The following ZNF705G variants were observed in gnomAD, a reference collection of about 807,000 sequenced individuals.
ZNF705G encodes zinc finger protein 705G.
Under a neutral mutation model 19.6 loss-of-function variants are expected in ZNF705G, and 23 were observed. That is an observed-to-expected ratio of 1.17 (90% CI 0.84 to 1.66). The LOEUF is 1.66. Ranked by LOEUF, ZNF705G falls within the 40% of genes most tolerant of loss-of-function variation. The pLI is 0.00. For missense variants in ZNF705G, 457 were observed against 354.4 expected (o/e 1.29, Z -2.32); for synonymous variants, 146 against 117.7 (o/e 1.24, Z -1.56).
At chr8:7,363,636 C>A (rs1350428997) in intron 2 of ZNF705G, among the ~76,000 whole-genome samples, 4 of 149,444 alleles carry the variant, frequency 2.7e-5, no homozygotes, top group South Asian at 2.1e-4. Flanking sequence ...GCCTGGCCAA[C>A]ATGGTGAAAC....
Position 7,358,348 on chromosome 8 carries a change from A to G in ZNF705G, c.531T>C (p.Cys177=). 1 of 1,607,594 alleles carries G rather than the reference A, an allele frequency of 6.2e-7. No individual in the cohort carries two copies. The highest frequency in any genetic ancestry group is 8.5e-7 in the Non-Finnish European group (1 of 1,179,614). ...TKGKSYQCNL[C]EKAYTNCFHL... is the part of the protein sequence containing the mutation. ...GAAAGCAATTAGTATAGGCCTTTTC[A>G]CATAGATTACACTGATATGATTTAC... is the stretch of plus-strand genomic sequence containing the variant. Residue 177 remains cysteine (C), a synonymous_variant, in exon 7 of 7, where the codon TGT becomes TGC. Transcript: ENST00000400156.
chr8:7,379,497 C>A (rs1807394471), intron 2 of ZNF705G, among the ~76,000 whole-genome samples: 1 of 146,994 alleles, frequency 6.8e-6, no homozygotes, highest in East Asian at 1.9e-4. Context: ...CAAAGAAAGA[C>A]CAAGACAGCA....
chr8:7,356,028 C>A lies in ZNF705G; in HGVS notation c.*1948G>T, dbSNP rs1489179943. The A allele has an allele frequency of 4.0e-5, 6 of 149,462 alleles. No homozygotes were observed. Among genetic ancestry groups the A allele is most frequent in the African/African-American group, 7.7e-5 (3 of 38,868 alleles). 9.3% of individuals were successfully genotyped at this position (149,462 alleles called of 1,614,324 possible). ...TCGTATTAAGATTGTGCCTGTTTGG[C>A]AAAATTTCAAGTCATCCCACTTAAT... On this transcript the variant is annotated 3_prime_UTR_variant, in exon 7 of 7. Transcript: ENST00000400156.
chr8:7,361,074 G>A (rs1350510726), intron 4 of ZNF705G, 36 bp downstream of exon 4: 11 of 1,592,766 alleles, frequency 6.9e-6, no homozygotes, highest in Non-Finnish European at 9.3e-6. Flanking sequence ...GAGTGAATGT[G>A]TCTCTACATA....
rs1807050614 is a variant in ZNF705G at position 7,370,405 on chromosome 8, A to G, written c.-71-7388T>C. Among the ~76,000 whole-genome samples the G allele has an allele frequency of 2.7e-5, 4 of 149,816 alleles. No homozygotes were observed. The South Asian group carries it at 6.3e-4, about 24-fold the overall frequency. The stretch of plus-strand genomic sequence containing the variant: ...ATGTAAATAAAAACCACCATGAAAT[A>G]TCACCTGATAGAATAGCTATTATCA... On this transcript the variant is annotated intron_variant, in intron 2 of 6. Coordinates refer to ENST00000400156, the MANE Select transcript of ZNF705G (RefSeq NM_001164457.3).
At position 7,357,346 on chromosome 8, in the gene ZNF705G, T is replaced by C. The variant is rs1403652818; in HGVS notation, c.*630A>G. 73 of 153,246 alleles carry C rather than the reference T, an allele frequency of 4.8e-4. 3 individuals carry two copies. Among genetic ancestry groups the C allele is most frequent in the Admixed American group, 4.5e-3 (71 of 15,878 alleles). 9.5% of individuals were successfully genotyped at this position (153,246 alleles called of 1,614,324 possible). A position where few individuals can be genotyped will look rare whatever the true frequency, so the allele number is the denominator to read the frequency against. On this transcript the variant is annotated 3_prime_UTR_variant, in exon 7 of 7. Transcript: ENST00000400156. ...GGCTTTCCTCTCTTATTTTCCATTT[T>C]AGCAGCATTTTGTCACTCTTCTCTT... is the stretch of plus-strand genomic sequence containing the variant.
chr8:7,359,021 T>C lies in ZNF705G; in HGVS notation c.319-461A>G, dbSNP rs1485590880. 5.3e-5 allele frequency among the ~76,000 whole-genome samples: 8 copies of C among 149,676 alleles called. 1 individual carries two copies. In the East Asian group the frequency reaches 1.5e-3, roughly 29 times the overall value. ...ATGCAGCTTTCCTGCATTATTCCTC[T>C]GCCTCATTTGTTTATGTCATCTTAT... On this transcript the variant is annotated intron_variant, in intron 6 of 6. Transcript: ENST00000400156.
chr8:7,380,327 C>A (rs909198730), intron 2 of ZNF705G, among the ~76,000 whole-genome samples: 1 of 147,320 alleles, frequency 6.8e-6, no homozygotes, highest in Non-Finnish European at 1.5e-5. Context: ...GTCCAGGAGG[C>A]TGGGGATCAA....
intron 2 of ZNF705G, among the ~76,000 whole-genome samples, chr8:7,367,668 A>G (rs549637080): frequency 6.7e-6 from 1 of 149,786 alleles, no homozygotes; most frequent in African/African-American, 2.6e-5. Flanking sequence ...TTGGACCTTC[A>G]GGCATCTGCT....
chr8:7,359,404 T>C (rs1473601492), intron 6 of ZNF705G, among the ~76,000 whole-genome samples: 1 of 149,758 alleles, frequency 6.7e-6, no homozygotes, highest in Non-Finnish European at 1.5e-5. Context: ...GCATGAGCAA[T>C]GTATATGCAC....
At chr8:7,359,212 T>C (rs1806448349) in intron 6 of ZNF705G, among the ~76,000 whole-genome samples, 1 of 149,610 alleles carries the variant, frequency 6.7e-6, no homozygotes, top group South Asian at 2.1e-4. Flanking sequence ...GTCCCCTGGG[T>C]GCATGTCCTT....
Position 7,366,190 on chromosome 8 carries a change from A to G in ZNF705G, c.-71-3173T>C, listed in dbSNP as rs890129473. 8.0e-5 allele frequency among the ~76,000 whole-genome samples: 7 copies of G among 87,542 alleles called. 2 individuals carry two copies. Among genetic ancestry groups the G allele is most frequent in the African/African-American group, 3.0e-4 (7 of 23,114 alleles). The allele number at this position is 87,542 out of a possible 152,430, so 57.4% of individuals were successfully genotyped here. A position where few individuals can be genotyped will look rare whatever the true frequency, so the allele number is the denominator to read the frequency against. On this transcript the variant is annotated intron_variant, in intron 2 of 6. Transcript: ENST00000400156. ...TTATCTTGACGGGATTGCAAGTCAG[A>G]TTACACTATAAATGGAAAATCCTAT...
intron 1 of ZNF705G, among the ~76,000 whole-genome samples, chr8:7,384,066 A>G: frequency 7.5e-6 from 1 of 133,716 alleles, no homozygotes; most frequent in Non-Finnish European, 1.5e-5. Flanking sequence ...CATCAGAGAA[A>G]TCAGCCAAGC....
intron 2 of ZNF705G, among the ~76,000 whole-genome samples, chr8:7,380,635 G>A (rs1189311971): frequency 2.7e-5 from 4 of 146,452 alleles, no homozygotes; most frequent in African/African-American, 1.1e-4. Flanking sequence ...GGTCACGAGA[G>A]TTGACCTGCT....
chr8:7,366,501 G>A (rs1422921239), intron 2 of ZNF705G, among the ~76,000 whole-genome samples: 3 of 149,380 alleles, frequency 2.0e-5, no homozygotes, highest in Non-Finnish European at 4.4e-5. Context: ...ATAGAAGACA[G>A]AATCTAACAT....
chr8:7,370,257 C>A (rs1277890108), intron 2 of ZNF705G, among the ~76,000 whole-genome samples: 2 of 135,660 alleles, frequency 1.5e-5, no homozygotes, highest in African/African-American at 3.3e-5. Context: ...TGTGACACAC[C>A]GAGACTCCAT....
chr8:7,385,500 T>G lies in ZNF705G; in HGVS notation c.-224A>C, dbSNP rs1408122160. 6.7e-6 allele frequency: 1 copy of G among 149,170 alleles called. No individual in the cohort carries two copies. Among genetic ancestry groups the G allele is most frequent in the East Asian group, 1.9e-4 (1 of 5,180 alleles). 9.2% of individuals were successfully genotyped at this position (149,170 alleles called of 1,614,324 possible). ...AGTTGGCCCTACTGGAAACCCACCTTGCAGTTGGTTCCTCCACCCTCCACA... is the reference window on the plus strand; with the variant it reads ...AGTTGGCCCTACTGGAAACCCACCTGGCAGTTGGTTCCTCCACCCTCCACA... On this transcript the variant is annotated splice_region_variant and 5_prime_UTR_variant, in exon 1 of 7. Transcript: ENST00000400156.
intron 2 of ZNF705G, among the ~76,000 whole-genome samples, chr8:7,370,458 G>T (rs1807053614): frequency 6.7e-6 from 1 of 149,500 alleles, no homozygotes; most frequent in Non-Finnish European, 1.5e-5. Context: ...TATTAGTGAG[G>T]TTGTGGAGAA....
rs1252571638 is a variant in ZNF705G, at chr8:7,358,492, G to A, written c.387C>T (p.Ser129=). 2 of 1,607,480 alleles carry A rather than the reference G, an allele frequency of 1.2e-6. No individual in the cohort carries two copies. The highest frequency in any genetic ancestry group is 1.7e-5 in the Admixed American group (1 of 59,938). Reference sequence around the variant, plus strand: ...GAGTTAACAAACACTGAGTTATTGTGGAACTGCGAGTGCAATCTTCTCCCG... The same window carrying A: ...GAGTTAACAAACACTGAGTTATTGTAGAACTGCGAGTGCAATCTTCTCCCG... ...NDSGEDCTRS[S]TITQCLLTHS... The change falls in exon 7 of 7, where the codon TCC becomes TCT. Residue 129 remains serine, a synonymous_variant. Transcript: ENST00000400156.
Sources: gnomAD v4.1 joint callset for allele counts (sites outside exome capture counted in the v4.1 genomes callset) on GRCh38, gnomAD v4.1.1 for gene constraint, MANE v1.5 for transcripts, NCBI Gene and HGNC (gene_info 2026-07-23, HGNC 2026-07-21) for gene names.